Variants in MAP4 observed in about 807,000 individuals in gnomAD.
MAP4 encodes the protein microtubule-associated protein 4.
In MAP4, 76 loss-of-function variants were observed where a neutral mutation model predicts 170.2. The observed-to-expected ratio is 0.45, with a 90% confidence interval of 0.37 to 0.54. The LOEUF (loss-of-function observed/expected upper bound fraction) is 0.54, where lower values mean the gene tolerates loss of function less well. Among genes scored for constraint, MAP4 ranks in the 20% least tolerant of loss-of-function variants. The probability of loss-of-function intolerance (pLI) is 0.00; values close to 1 mark genes in which losing one functional copy is unlikely to be tolerated. For synonymous variants in MAP4, 909 were observed against 994.5 expected (o/e 0.91, Z 1.62); for missense variants, 2,506 against 2,748.0 (o/e 0.91, Z 1.97).
At chr3:48,004,680 G>A (rs1002906541) in intron 1 of MAP4, among the ~76,000 whole-genome samples, 1 of 152,218 alleles carries the variant, frequency 6.6e-6, no homozygotes, top group Admixed American at 6.5e-5. Context: ...TACTGCTAAA[G>A]TGAGGGCATT....
intron 2 of MAP4, among the ~76,000 whole-genome samples, chr3:47,995,071 C>T: frequency 6.6e-6 from 1 of 151,936 alleles, no homozygotes; most frequent in East Asian, 1.9e-4. Flanking sequence ...TTTTACCGTA[C>T]ATCCCTTTGG....
Position 47,870,807 on chromosome 3 carries a change from A to G in MAP4, c.6294+6T>C. The G allele has an allele frequency of 1.3e-6, 2 of 1,538,828 alleles. No individual in the cohort carries two copies. The highest frequency in any genetic ancestry group is 2.0e-5 in the Admixed American group (1 of 50,576). On this transcript the variant is annotated splice_donor_region_variant and intron_variant, in intron 15 of 20. Transcript: ENST00000683076. Reference sequence around the variant, plus strand: ...CATGCCAGGACCCCAAGCTCCCTGGACCCACCCGGCCTCCTCCAGGCTGAT... The same window carrying G: ...CATGCCAGGACCCCAAGCTCCCTGGGCCCACCCGGCCTCCTCCAGGCTGAT...
At chr3:47,864,550 G>A (rs1455390226) in intron 17 of MAP4, among the ~76,000 whole-genome samples, 2 of 152,092 alleles carry the variant, frequency 1.3e-5, no homozygotes, top group Non-Finnish European at 2.9e-5. Context: ...TGTGGCGGGC[G>A]CCTGTAGTCC....
chr3:48,056,778 T>G (rs2100132079), intron 1 of MAP4, among the ~76,000 whole-genome samples: 1 of 50,010 alleles, frequency 2.0e-5, no homozygotes. Flanking sequence ...AGCCGCCCCG[T>G]CCGGGAGGGA....
At chr3:48,050,274 A>T (rs1001015985) in intron 1 of MAP4, among the ~76,000 whole-genome samples, 6 of 144,376 alleles carry the variant, frequency 4.2e-5, no homozygotes, top group African/African-American at 1.5e-4. Context: ...AAAAAAAAAA[A>T]TAGTAAAGTC....
chr3:47,908,504 T>A (rs2153473597), intron 9 of MAP4, among the ~76,000 whole-genome samples: 1 of 152,370 alleles, frequency 6.6e-6, no homozygotes, highest in Non-Finnish European at 1.5e-5. Context: ...TGCCTACCAA[T>A]GCTGGTTTGA....
In MAP4 at chr3:48,073,572, T is replaced by C. The variant is rs888208351; in HGVS notation, c.-20+15201A>G. On this transcript the variant is annotated intron_variant, in intron 1 of 18. Coordinates refer to the MAP4 transcript ENST00000360240. ...GTTGCGGAGAGCCGAGATCGCTCCATTGCACTCCAGTTTGGGTGATAAAAG... is the reference window on the plus strand; with the variant it reads ...GTTGCGGAGAGCCGAGATCGCTCCACTGCACTCCAGTTTGGGTGATAAAAG... Among the ~76,000 whole-genome samples, 14 of 151,100 alleles carry C rather than the reference T, an allele frequency of 9.3e-5. No homozygotes were observed. In the East Asian group the frequency reaches 2.7e-3, roughly 29 times the overall value.
Position 47,916,501 on chromosome 3 carries a change from T to C in MAP4, c.1326A>G (p.Thr442=), listed in dbSNP as rs750666234. The C allele has an allele frequency of 1.2e-6, 2 of 1,614,204 alleles. No homozygotes were observed. Among genetic ancestry groups the C allele is most frequent in the South Asian group, 2.2e-5 (2 of 91,086 alleles). The stretch of plus-strand genomic sequence containing the variant: ...TCATGTCCCTGGCCAGGGCTACCTC[T>C]GTTTCTGAGGACAAAGCCACCTTCT... ...SAEKVALSSE[T]EVALARDMTL... The change falls in exon 7 of 21, where the codon ACA becomes ACG. Residue 442 remains threonine (T), a synonymous_variant. Transcript: ENST00000683076.
Position 47,912,150 on chromosome 3 carries a change from C to T in MAP4, c.2271G>A (p.Glu757=). 6.5e-7 allele frequency: 1 copy of T among 1,536,136 alleles called. No homozygotes were observed. Among genetic ancestry groups the T allele is most frequent in the South Asian group, 1.2e-5 (1 of 84,060 alleles). ...SLEPQRDLGR[E]AWDIESTPIM... ...TTGGTGTGCTTTCTATATCCCAGGC[C>T]TCCCTGCCAAGATCCCTCTGGGGTT... Residue 757 remains glutamate (E), a synonymous_variant, in exon 9 of 21, where the codon GAG becomes GAA. Coordinates refer to ENST00000683076, the MANE Select transcript of MAP4 (RefSeq NM_001385682.1).
intron 1 of MAP4, among the ~76,000 whole-genome samples, chr3:48,025,768 T>G (rs1349038655): frequency 1.3e-5 from 2 of 151,510 alleles, no homozygotes; most frequent in Non-Finnish European, 2.9e-5. Context: ...GGCGTGGTGG[T>G]GCACACCCAT....
chr3:47,910,579 A>C lies in MAP4; in HGVS notation c.3842T>G (p.Val1281Gly). The change falls in exon 9 of 21, where the codon GTG becomes GGG. Residue 1281 changes from valine (V) to glycine (G), a missense_variant. By Grantham distance (109) the Val-to-Gly change is moderately radical. This residue lies in a region of MAP4 where 2,008 missense variants were observed against 2,206.0 expected (regional missense o/e 0.91). Coordinates refer to ENST00000683076, the MANE Select transcript of MAP4 (RefSeq NM_001385682.1). ...SFSHTPDTPTVEAVDRKGGNF... is the reference protein window; with the variant it reads ...SFSHTPDTPTGEAVDRKGGNF... ...TCCACCCTTCCTGTCAACTGCTTCCACTGTGGGTGTATCTGGTGTATGTGA... is the reference window on the plus strand; with the variant it reads ...TCCACCCTTCCTGTCAACTGCTTCCCCTGTGGGTGTATCTGGTGTATGTGA... 6.5e-7 allele frequency: 1 copy of C among 1,536,090 alleles called. No individual in the cohort carries two copies. The highest frequency in any genetic ancestry group is 2.0e-5 in the Admixed American group (1 of 50,992).
At chr3:47,863,493 C>T (rs552502953) in intron 17 of MAP4, among the ~76,000 whole-genome samples, 97 of 152,058 alleles carry the variant, frequency 6.4e-4, no homozygotes, top group Non-Finnish European at 7.2e-4. Context: ...GTCCCCTCCT[C>T]GGGGACTGCA....
upstream of MAP4, among the ~76,000 whole-genome samples, chr3:48,018,008 C>T (rs942383558): frequency 2.0e-5 from 3 of 152,336 alleles, no homozygotes; most frequent in African/African-American, 7.2e-5. Flanking sequence ...CTAGATCCAT[C>T]GCATGTGCAG....
At chr3:47,945,422 G>T (rs2100059168) in intron 3 of MAP4, among the ~76,000 whole-genome samples, 1 of 151,974 alleles carries the variant, frequency 6.6e-6, no homozygotes, top group African/African-American at 2.4e-5. Flanking sequence ...ACAAGATACG[G>T]TTCCTCCATT....
Position 47,916,953 on chromosome 3 carries a change from T to G in MAP4, c.874A>C (p.Met292Leu). Reference sequence around the variant, plus strand: ...ATATCTGATTCCATGGATGGCTGCATGTCCTTGGCCAGTGTCACATCTAAT... The same window carrying G: ...ATATCTGATTCCATGGATGGCTGCAGGTCCTTGGCCAGTGTCACATCTAAT... ...TKLDVTLAKD[M>L]QPSMESDMAL... The change falls in exon 7 of 21, where the codon ATG becomes CTG. Residue 292 changes from methionine (M) to leucine (L), a missense_variant. Physicochemically the swap from Met to Leu is conservative, Grantham distance 15. Coordinates refer to ENST00000683076, the MANE Select transcript of MAP4 (RefSeq NM_001385682.1). 2 of 1,614,264 alleles carry G rather than the reference T, an allele frequency of 1.2e-6. No homozygotes were observed. The highest frequency in any genetic ancestry group is 1.7e-6 in the Non-Finnish European group (2 of 1,180,038).
chr3:47,931,851 G>GAA (rs899504313), intron 3 of MAP4: 1 of 151,206 alleles, frequency 6.6e-6, no homozygotes, highest in Admixed American at 6.6e-5. Flanking sequence ...GGAAAGAGTG[G>GAA]AACGTGGAGT....
intron 3 of MAP4, among the ~76,000 whole-genome samples, chr3:47,941,949 C>A (rs1018607820): frequency 6.6e-6 from 1 of 151,898 alleles, no homozygotes; most frequent in African/African-American, 2.4e-5. Flanking sequence ...TAGATATAAC[C>A]CTCACAAACA....
intron 1 of MAP4, among the ~76,000 whole-genome samples, chr3:48,005,005 C>A (rs923716457): frequency 6.6e-6 from 1 of 152,154 alleles, no homozygotes; most frequent in South Asian, 2.1e-4. Flanking sequence ...TAACTCAAGT[C>A]CCACAGGTCC....
chr3:47,931,139 CT>C (rs1477022856), intron 3 of MAP4, among the ~76,000 whole-genome samples: 1 of 151,996 alleles, frequency 6.6e-6, no homozygotes, highest in Non-Finnish European at 1.5e-5. Context: ...CTTCGGGAAG[CT>C]GAGGCAAGAA....
Sources: gnomAD v4.1 joint callset for allele counts (sites outside exome capture counted in the v4.1 genomes callset) on GRCh38, gnomAD v4.1.1 for gene constraint, gnomAD v4.1.1 regional missense constraint, MANE v1.5 for transcripts, NCBI Gene and HGNC (gene_info 2026-07-23, HGNC 2026-07-21) for gene names.